The following AKAP17A variants were observed in gnomAD, a reference collection of about 807,000 sequenced individuals.
AKAP17A encodes A-kinase anchor protein 17A.
AKAP17A carries 15 observed loss-of-function variants against 52.2 expected under a neutral mutation model. The observed-to-expected ratio is 0.29, with a 90% CI of 0.19 to 0.44. AKAP17A has a LOEUF of 0.44. Ranked by LOEUF, AKAP17A falls within the 20% of genes least tolerant of loss-of-function variation. The pLI is 1.00. For synonymous variants in AKAP17A, 514 were observed against 424.7 expected (o/e 1.21, Z -2.58); for missense variants, 1,060 against 1,007.0 (o/e 1.05, Z -0.71).
intron 1 of AKAP17A, among the ~76,000 whole-genome samples, chrX:1,592,248 G>A (rs1473435570): frequency 6.6e-6 from 1 of 151,892 alleles, no homozygotes; most frequent in Non-Finnish European, 1.5e-5. Flanking sequence ...GTGGTGGGGA[G>A]CGGGGAACTG....
intron 3 of AKAP17A, among the ~76,000 whole-genome samples, chrX:1,598,807 C>T (rs1261132168): frequency 3.3e-5 from 5 of 152,192 alleles, no homozygotes; most frequent in African/African-American, 7.2e-5. Flanking sequence ...GCAGAACCGG[C>T]GTCCTCCGCG....
Position 1,593,667 on chromosome X carries a change from A to G in AKAP17A, c.205A>G (p.Ile69Val), listed in dbSNP as rs780905685. 1 of 1,613,898 alleles carries G rather than the reference A, an allele frequency of 6.2e-7. No individual in the cohort carries two copies. Among genetic ancestry groups the G allele is most frequent in the South Asian group, 1.1e-5 (1 of 91,070 alleles). Residue 69 changes from isoleucine to valine, a missense_variant, in exon 2 of 5, where the codon ATT becomes GTT. Ile to Val is a conservative substitution (Grantham distance 29). Transcript: ENST00000313871. ...VQNHQFSTLR[I>V]SKSTMDFIRF... ...GAACCACCAGTTCTCCACGCTGCGT[A>G]TTTCCAAGAGCACCATGGACTTCAT...
At chrX:1,592,164 C>T (rs1403846115) in intron 1 of AKAP17A, among the ~76,000 whole-genome samples, 1 of 151,154 alleles carries the variant, frequency 6.6e-6, no homozygotes, top group African/African-American at 2.4e-5. Context: ...CAGTGGGAAG[C>T]AAGGGGCTGT....
In AKAP17A at chrX:1,601,820, C is replaced by T; in HGVS notation, c.*226C>T. ...GGCACTTCAGTTTCAAACACGTAGTCCTTTAAAACTTGATCCGATAGCTTT... is the reference window on the plus strand; with the variant it reads ...GGCACTTCAGTTTCAAACACGTAGTTCTTTAAAACTTGATCCGATAGCTTT... On this transcript the variant is annotated 3_prime_UTR_variant, in exon 5 of 5. Transcript: ENST00000313871. 2.4e-6 allele frequency: 1 copy of T among 416,364 alleles called. No homozygotes were observed. The highest frequency in any genetic ancestry group is 4.2e-6 in the Non-Finnish European group (1 of 240,154). 25.8% of individuals were successfully genotyped at this position (416,364 alleles called of 1,614,324 possible).
intron 4 of AKAP17A, chrX:1,600,089 C>T (rs1197808193): frequency 1.7e-6 from 2 of 1,156,770 alleles, no homozygotes; most frequent in African/African-American, 1.6e-5. Context: ...GGCTGCGTCC[C>T]CCTGGAGTCC....
chrX:1,598,259 G>A (rs188031094), intron 3 of AKAP17A, among the ~76,000 whole-genome samples: 99 of 152,278 alleles, frequency 6.5e-4, no homozygotes, highest in African/African-American at 1.9e-3. Context: ...TGCCCCGCCC[G>A]GAGACCGTGT....
intron 3 of AKAP17A, 149 bp from the exon 4 acceptor site, chrX:1,599,043 A>G: frequency 7.9e-7 from 1 of 1,263,360 alleles, no homozygotes; most frequent in Non-Finnish European, 1.1e-6. Context: ...GGCTGCTTTG[A>G]GTCAACCGAG....
chrX:1,598,560 G>C (rs1272667025), intron 3 of AKAP17A, among the ~76,000 whole-genome samples: 1 of 152,138 alleles, frequency 6.6e-6, no homozygotes, highest in Non-Finnish European at 1.5e-5. Context: ...GGGCGGGGGA[G>C]GCTGAGCTAG....
chrX:1,596,835 C>T lies in AKAP17A; in HGVS notation c.911+1303C>T, dbSNP rs868194297. ...AGTGAGGCGGATTCGTCCTCTTCCTCCTCCATCCCTCCTGCCGTGTCCTCC... is the reference window on the plus strand; with the variant it reads ...AGTGAGGCGGATTCGTCCTCTTCCTTCTCCATCCCTCCTGCCGTGTCCTCC... On this transcript the variant is annotated intron_variant, in intron 3 of 4. Transcript: ENST00000313871. 1.1e-4 allele frequency among the ~76,000 whole-genome samples: 8 copies of T among 70,672 alleles called. 1 individual carries two copies. The highest frequency in any genetic ancestry group is 5.3e-4 in the African/African-American group (8 of 15,154). The allele number at this position is 70,672 out of a possible 152,430, so 46.4% of individuals were successfully genotyped here. A position where few individuals can be genotyped will look rare whatever the true frequency, so the allele number is the denominator to read the frequency against.
At position 1,601,609 on chromosome X, in the gene AKAP17A, TC is replaced by T; in HGVS notation, c.*19del. On this transcript the variant is annotated 3_prime_UTR_variant, in exon 5 of 5. Transcript: ENST00000313871. Reference sequence around the variant, plus strand: ...GGAACAGGTAATGACGGGCACGGCCTCCCCACGGCCTGTCCGGGAAAGACCA... The same window carrying T: ...GGAACAGGTAATGACGGGCACGGCCTCCCACGGCCTGTCCGGGAAAGACCA... 1 of 1,411,506 alleles carries T rather than the reference TC, an allele frequency of 7.1e-7. No individual in the cohort carries two copies. The highest frequency in any genetic ancestry group is 2.7e-5 in the East Asian group (1 of 37,378). The allele number at this position is 1,411,506 out of a possible 1,614,324, so 87.4% of individuals were successfully genotyped here.
chrX:1,598,853 G>C (rs1254563884), intron 3 of AKAP17A, among the ~76,000 whole-genome samples: 5 of 152,200 alleles, frequency 3.3e-5, no homozygotes, highest in Admixed American at 1.3e-4. Context: ...GGGCCTGCTG[G>C]GGTTCCTCTT....
chrX:1,600,866 G>C lies in AKAP17A; in HGVS notation c.1360G>C (p.Asp454His), dbSNP rs762400177. ...GAAGCCGGACGACAGCCACACACAC[G>C]ACGAGCTGGGCGTGGCACACGCCGA... ...SKKPDDSHTHDELGVAHADLL... is the reference protein window; with the variant it reads ...SKKPDDSHTHHELGVAHADLL... Residue 454 changes from aspartate to histidine, a missense_variant, in exon 5 of 5, where the codon GAC (aspartate) becomes CAC (histidine). By Grantham distance (81) the Asp-to-His change is moderately conservative (BLOSUM62 -1). Coordinates refer to ENST00000313871, the MANE Select transcript of AKAP17A (RefSeq NM_005088.3). The C allele has an allele frequency of 1.3e-6, 2 of 1,588,406 alleles. No homozygotes were observed. Among genetic ancestry groups the C allele is most frequent in the East Asian group, 4.5e-5 (2 of 44,008 alleles).
chrX:1,599,195 A>G lies in AKAP17A; in HGVS notation c.915A>G (p.Lys305=), dbSNP rs749791155. 4.3e-6 allele frequency: 7 copies of G among 1,611,716 alleles called. No individual in the cohort carries two copies. Among genetic ancestry groups the G allele is most frequent in the Non-Finnish European group, 5.9e-6 (7 of 1,179,710 alleles). ...ACCCCCGGTGTGTTCCACACAGGAA[A>G]CAAAAGGAGCTGGAAGAGCTGGAGC... is the stretch of plus-strand genomic sequence containing the variant. ...AEERQRAEER[K]QKELEELERE... is the part of the protein sequence containing the mutation. The change falls in exon 4 of 5, where the codon AAA becomes AAG. Residue 305 remains lysine (K), a synonymous_variant. Coordinates refer to ENST00000313871, the MANE Select transcript of AKAP17A (RefSeq NM_005088.3).
At position 1,599,235 on chromosome X, in the gene AKAP17A, GAA is replaced by G; in HGVS notation, c.956_957del (p.Glu319GlyfsTer14). On this transcript the variant is annotated frameshift_variant, in exon 4 of 5. Transcript: ENST00000313871. LOFTEE classifies it high-confidence loss of function. ...LEELERERKR[E>X]EKLRKREQKQ... Reference sequence around the variant, plus strand: ...AGAGCTGGAGCGAGAGAGGAAAAGAGAAGAGAAGCTTCGCAAGAGGGAGCAGA... The same window carrying G: ...AGAGCTGGAGCGAGAGAGGAAAAGAGGAGAAGCTTCGCAAGAGGGAGCAGA... 1 of 1,612,656 alleles carries G rather than the reference GAA, an allele frequency of 6.2e-7. No homozygotes were observed. The highest frequency in any genetic ancestry group is 1.3e-5 in the African/African-American group (1 of 74,988).
intron 4 of AKAP17A, 78 bp downstream of exon 4, chrX:1,599,510 T>A (rs1272401360): frequency 2.6e-6 from 4 of 1,543,912 alleles, no homozygotes; most frequent in Non-Finnish European, 3.5e-6. Flanking sequence ...GCGGGCGGCG[T>A]CACGGCGCCG....
intron 3 of AKAP17A, among the ~76,000 whole-genome samples, chrX:1,598,488 A>G (rs1205638387): frequency 1.2e-4 from 18 of 152,124 alleles, no homozygotes; most frequent in African/African-American, 4.3e-4. Flanking sequence ...GTCGTGTTCC[A>G]TAGGAACAGC....
intron 4 of AKAP17A, chrX:1,599,753 G>C: frequency 3.2e-6 from 2 of 615,498 alleles, no homozygotes; most frequent in Non-Finnish European, 2.9e-6. Context: ...GAGAGTGCAG[G>C]GGGCCGCTCC....
At chrX:1,597,006 T>G (rs1225055049) in intron 3 of AKAP17A, among the ~76,000 whole-genome samples, 1 of 151,810 alleles carries the variant, frequency 6.6e-6, no homozygotes, top group East Asian at 1.9e-4. Context: ...TCTGTTGCGC[T>G]TCATGTCGCC....
Position 1,599,697 on chromosome X carries a change from G to C in AKAP17A, c.1152+265G>C, listed in dbSNP as rs1258306047. 7.8e-6 allele frequency: 5 copies of C among 641,736 alleles called. No individual in the cohort carries two copies. In the East Asian group the frequency reaches 1.4e-4, roughly 17 times the overall value. The allele number at this position is 641,736 out of a possible 1,614,324, so 39.8% of individuals were successfully genotyped here. ...CCGAGCAGGCTGGCAGCCTCCCGGG[G>C]GCCAGGGCAGAGGCTCTCTGTTTCC... On this transcript the variant is annotated intron_variant, in intron 4 of 4. Transcript: ENST00000313871.
Sources: allele counts gnomAD v4.1 joint callset (sites outside exome capture counted in the v4.1 genomes callset), GRCh38; gene constraint gnomAD v4.1.1; transcripts MANE v1.5; gene names NCBI Gene and HGNC (gene_info 2026-07-23, HGNC 2026-07-21).